The following CCR5AS variants were observed in gnomAD, a reference collection of about 807,000 sequenced individuals.
The protein encoded by CCR5AS is CCR5 antisense RNA.
At chr3:46,401,379 G>A (rs775983603) in intron 1 of CCR5AS, among the ~76,000 whole-genome samples, 1 of 152,196 alleles carries the variant, frequency 6.6e-6, no homozygotes, top group Non-Finnish European at 1.5e-5. Context: ...AACCCAAGGT[G>A]GGGTCTGGCA....
rs555855393 is a variant in CCR5AS, at chr3:46,366,199, G to A, written n.566-1154C>T. Among the ~76,000 whole-genome samples the A allele has an allele frequency of 1.4e-4, 21 of 152,330 alleles. No individual in the cohort carries two copies. The South Asian group carries it at 4.1e-3, about 30-fold the overall frequency. ...AGTAAGCCCTGGGAGAGGTGTCTGA[G>A]CCCAGGTGTCAGTGGTTTTCTTTGG... On this transcript the variant is annotated intron_variant and non_coding_transcript_variant, in intron 3 of 3. Transcript: ENST00000451485.
At chr3:46,395,371 G>C (rs1365005923) in intron 1 of CCR5AS, among the ~76,000 whole-genome samples, 1 of 152,104 alleles carries the variant, frequency 6.6e-6, no homozygotes, top group Non-Finnish European at 1.5e-5. Flanking sequence ...GGATGCCGTA[G>C]GGGTGGACTC....
At chr3:46,390,797 T>A (rs1701904835) in intron 2 of CCR5AS, among the ~76,000 whole-genome samples, 1 of 152,110 alleles carries the variant, frequency 6.6e-6, no homozygotes, top group Admixed American at 6.5e-5. Flanking sequence ...AAGAATGTTG[T>A]CCAAGTTGGC....
intron 2 of CCR5AS, among the ~76,000 whole-genome samples, chr3:46,378,071 G>T (rs1701780487): frequency 1.3e-5 from 2 of 152,250 alleles, no homozygotes; most frequent in Admixed American, 6.5e-5. Context: ...CTTACTTATT[G>T]TCAGAGTACG....
At chr3:46,388,376 C>T (rs1310674250) in intron 2 of CCR5AS, among the ~76,000 whole-genome samples, 1 of 152,186 alleles carries the variant, frequency 6.6e-6, no homozygotes, top group Non-Finnish European at 1.5e-5. Context: ...TGGTAATGGC[C>T]TGGATGCAGT....
chr3:46,393,233 T>C (rs1274564450), intron 1 of CCR5AS, among the ~76,000 whole-genome samples: 1 of 151,812 alleles, frequency 6.6e-6, no homozygotes, highest in Non-Finnish European at 1.5e-5. Context: ...GGTCAATTGA[T>C]CAGTTGGGGT....
chr3:46,375,941 G>A (rs1401496166), intron 2 of CCR5AS: 1 of 167,058 alleles, frequency 6.0e-6, no homozygotes, highest in Non-Finnish European at 1.5e-5. Context: ...GAATGAAGGT[G>A]TCAGAATAAT....
At chr3:46,371,051 A>G (rs1306902072) in intron 3 of CCR5AS, 1 of 152,244 alleles carries the variant, frequency 6.6e-6, no homozygotes, top group African/African-American at 2.4e-5. Flanking sequence ...AAGACTTTAC[A>G]GGAAACCCAT....
At chr3:46,390,915 G>A (rs1226940500) in intron 2 of CCR5AS, among the ~76,000 whole-genome samples, 1 of 152,200 alleles carries the variant, frequency 6.6e-6, no homozygotes. Context: ...TGTGGAGTGG[G>A]TAGCCTCCGT....
intron 2 of CCR5AS, chr3:46,374,563 G>A (rs1451421814): frequency 6.0e-6 from 1 of 167,142 alleles, no homozygotes; most frequent in African/African-American, 2.4e-5. Context: ...TCTTAAATGA[G>A]AAGGAATTTG....
At chr3:46,380,078 G>A (rs1370065265) in intron 2 of CCR5AS, among the ~76,000 whole-genome samples, 1 of 152,118 alleles carries the variant, frequency 6.6e-6, no homozygotes, top group African/African-American at 2.4e-5. Flanking sequence ...TTCATAGGCA[G>A]AAATAAGTTG....
Position 46,370,065 on chromosome 3 carries a change from A to G in CCR5AS, n.565+1179T>C, listed in dbSNP as rs565628795. Among the ~76,000 whole-genome samples, 38 of 152,328 alleles carry G rather than the reference A, an allele frequency of 2.5e-4. 1 individual carries two copies. In the South Asian group the frequency reaches 7.9e-3, roughly 32 times the overall value. On this transcript the variant is annotated intron_variant and non_coding_transcript_variant, in intron 3 of 3. Transcript: ENST00000451485. ...TGTCACCAACCGCCAAGAGAGCTTGATATGACTGTATATAGTATAGTCATA... is the reference window on the plus strand; with the variant it reads ...TGTCACCAACCGCCAAGAGAGCTTGGTATGACTGTATATAGTATAGTCATA...
chr3:46,373,287 G>A, intron 2 of CCR5AS: 1 of 1,614,116 alleles, frequency 6.2e-7, no homozygotes, highest in African/African-American at 1.3e-5. Context: ...TAGGTACCTG[G>A]CTGTCGTCCA....
At chr3:46,395,760 C>G (rs555540345) in intron 1 of CCR5AS, among the ~76,000 whole-genome samples, 2 of 152,330 alleles carry the variant, frequency 1.3e-5, no homozygotes, top group Admixed American at 1.3e-4. Context: ...GTTGAAGGTC[C>G]TGGTTCTGCC....
At chr3:46,406,114 G>A (rs1452380311) in intron 1 of CCR5AS, among the ~76,000 whole-genome samples, 2 of 152,054 alleles carry the variant, frequency 1.3e-5, no homozygotes, top group South Asian at 2.1e-4. Flanking sequence ...GGGCTCAAGC[G>A]ACCCTCCCAC....
At chr3:46,364,207 A>G (rs938066334), downstream of CCR5AS, among the ~76,000 whole-genome samples, 78 of 152,276 alleles carry the variant, frequency 5.1e-4, no homozygotes, top group Non-Finnish European at 1.9e-4. Flanking sequence ...GGAGATGTCA[A>G]GGCAAGCTGC....
chr3:46,401,655 A>G (rs967425901), intron 1 of CCR5AS, among the ~76,000 whole-genome samples: 1 of 152,210 alleles, frequency 6.6e-6, no homozygotes, highest in African/African-American at 2.4e-5. Context: ...GAACGCAGAC[A>G]TGGGTCTCAG....
chr3:46,395,261 G>A (rs1701949161), intron 1 of CCR5AS, among the ~76,000 whole-genome samples: 1 of 152,094 alleles, frequency 6.6e-6, no homozygotes, highest in African/African-American at 2.4e-5. Context: ...TGGATATCCT[G>A]GGGGACCTCC....
chr3:46,373,338 G>A, intron 2 of CCR5AS: 1 of 1,614,184 alleles, frequency 6.2e-7, no homozygotes, highest in Non-Finnish European at 8.5e-7. Flanking sequence ...CACCTTTGGG[G>A]TGGTGACAAG....
Sources: gnomAD v4.1 joint callset for allele counts (sites outside exome capture counted in the v4.1 genomes callset) on GRCh38, gnomAD v4.1.1 for gene constraint, MANE v1.5 for transcripts, NCBI Gene and HGNC (gene_info 2026-07-23, HGNC 2026-07-21) for gene names.